VPS41: variants seen among roughly 807,000 people sequenced by gnomAD.
VPS41 encodes the protein vacuolar protein sorting-associated protein 41 homolog.
VPS41 carries 85 observed loss-of-function variants against 130.9 expected under a neutral mutation model. That is an observed-to-expected ratio of 0.65 (90% CI 0.55 to 0.78). The LOEUF is 0.78. Among genes scored for constraint, VPS41 ranks in the 30% least tolerant of loss-of-function variants. VPS41 has a pLI of 0.00. For missense variants in VPS41, 874 were observed against 1,018.7 expected (o/e 0.86, Z 1.93); for synonymous variants, 335 against 332.9 (o/e 1.01, Z -0.07).
intron 16 of VPS41, among the ~76,000 whole-genome samples, chr7:38,764,845 A>ACC (rs750109102): frequency 1.8e-4 from 28 of 152,226 alleles, no homozygotes; most frequent in South Asian, 4.1e-4. Context: ...CCATCACATG[A>ACC]TATTCAAAAA....
Position 38,817,859 on chromosome 7 carries a change from G to A in VPS41, c.408C>T (p.Phe136=), listed in dbSNP as rs150900239. 81 of 1,613,936 alleles carry A rather than the reference G, an allele frequency of 5.0e-5. No individual in the cohort carries two copies. In the Admixed American group the frequency reaches 8.3e-4, roughly 17 times the overall value. Residue 136 remains phenylalanine, a synonymous_variant, in exon 7 of 29, where the codon TTC becomes TTT. Transcript: ENST00000310301. ...PIKIIAVHPH[F]VRSSCKQFVT... ...CAAACTGCTTGCAACTGGATCTCAC[G>A]AAATGTGGGTGCACAGCAATAATCT...
intron 10 of VPS41, among the ~76,000 whole-genome samples, chr7:38,779,884 C>T (rs947442690): frequency 1.3e-5 from 2 of 152,064 alleles, no homozygotes; most frequent in African/African-American, 2.4e-5. Flanking sequence ...CAAGTAATTA[C>T]AGACTTTATA....
At chr7:38,870,739 CAAAAAAAAAAAAAAA>C (rs70977434) in intron 2 of VPS41, among the ~76,000 whole-genome samples, 8 of 29,734 alleles carry the variant, frequency 2.7e-4, no homozygotes, top group Admixed American at 4.8e-4. Flanking sequence ...ACTATATGTT[CAAAAAAAAAAAAAAA>C]AAAAAAAAAA....
At chr7:38,771,126 A>T in intron 14 of VPS41, 72 bp downstream of exon 14, 1 of 1,124,926 alleles carries the variant, frequency 8.9e-7, no homozygotes, top group Non-Finnish European at 1.3e-6. Context: ...TGTTCTTTTC[A>T]AATTATTTTC....
chr7:38,819,129 T>C (rs139162640), intron 6 of VPS41, among the ~76,000 whole-genome samples: 68 of 152,306 alleles, frequency 4.5e-4, no homozygotes, highest in Middle Eastern at 3.4e-3. Context: ...TCAAACACAT[T>C]ATGTTACCCT....
chr7:38,743,077 CA>C (rs1047657356), intron 24 of VPS41, among the ~76,000 whole-genome samples: 5 of 33,316 alleles, frequency 1.5e-4, no homozygotes, highest in African/African-American at 3.9e-4. Context: ...AAGCTAAAAA[CA>C]AAAAAAAACC....
chr7:38,857,197 C>T (rs895772755), intron 4 of VPS41, among the ~76,000 whole-genome samples: 1 of 152,186 alleles, frequency 6.6e-6, no homozygotes, highest in Non-Finnish European at 1.5e-5. Flanking sequence ...GAATCATCAA[C>T]CCACCTCTGC....
chr7:38,812,273 C>A (rs552394212), intron 7 of VPS41, among the ~76,000 whole-genome samples: 37 of 152,194 alleles, frequency 2.4e-4, no homozygotes, highest in African/African-American at 8.7e-4. Context: ...CAATTTTCCA[C>A]AAAGGGCCCA....
At chr7:38,864,170 A>G (rs1786178824) in intron 3 of VPS41, among the ~76,000 whole-genome samples, 1 of 152,184 alleles carries the variant, frequency 6.6e-6, no homozygotes, top group South Asian at 2.1e-4. Context: ...TTGTTAGGAA[A>G]CTAAGGGAGA....
intron 2 of VPS41, among the ~76,000 whole-genome samples, chr7:38,881,475 G>A (rs774490953): frequency 1.3e-5 from 2 of 152,202 alleles, no homozygotes; most frequent in Non-Finnish European, 2.9e-5. Flanking sequence ...AGGTTCCAGG[G>A]ATTAGGATGT....
At position 38,869,160 on chromosome 7, in the gene VPS41, T is replaced by C. The variant is rs777570735; in HGVS notation, c.154A>G (p.Thr52Ala). The change falls in exon 3 of 29, where the codon ACA (threonine) becomes GCA (alanine). Residue 52 changes from threonine to alanine, a missense_variant. Physicochemically the swap from Thr to Ala is moderately conservative, Grantham distance 58. Transcript: ENST00000310301. ...ILQKDAASCMTVHDKFLALGT... is the reference protein window; with the variant it reads ...ILQKDAASCMAVHDKFLALGT... The stretch of plus-strand genomic sequence containing the variant: ...TGCTATCTTACCTTGTCATGGACTG[T>C]CATGCAGCTAGCTGCATCCTTCTGA... The C allele has an allele frequency of 5.6e-6, 9 of 1,597,686 alleles. No homozygotes were observed. The highest frequency in any genetic ancestry group is 7.7e-6 in the Non-Finnish European group (9 of 1,169,572).
chr7:38,756,786 A>G, intron 19 of VPS41, 52 bp downstream of exon 19: 2 of 1,296,636 alleles, frequency 1.5e-6, no homozygotes, highest in Non-Finnish European at 2.1e-6. Flanking sequence ...TAAGTATTAA[A>G]TATTTGGAAT....
chr7:38,906,620 T>C lies in VPS41; in HGVS notation c.21+2534A>G, dbSNP rs141074065. On this transcript the variant is annotated intron_variant, in intron 1 of 28. Coordinates refer to ENST00000310301, the MANE Select transcript of VPS41 (RefSeq NM_014396.4). ...TCCCAAAGTGCTGGGATTACAGGTA[T>C]GGGCCATTGTGCCTGGTCCACGACT... Among the ~76,000 whole-genome samples, 1,414 of 152,288 alleles carry C rather than the reference T, an allele frequency of 9.3e-3. 6 individuals carry two copies. The highest frequency in any genetic ancestry group is 0.014 in the Non-Finnish European group (974 of 68,026).
intron 16 of VPS41, 113 bp from the exon 17 acceptor site, chr7:38,763,660 C>T (rs1562577050): frequency 6.9e-6 from 4 of 577,682 alleles, no homozygotes; most frequent in South Asian, 3.1e-5. Flanking sequence ...TGAGGGAATA[C>T]AGTACTCTGA....
chr7:38,813,667 C>T (rs1025478994), intron 7 of VPS41, among the ~76,000 whole-genome samples: 8 of 152,092 alleles, frequency 5.3e-5, no homozygotes, highest in Non-Finnish European at 7.4e-5. Flanking sequence ...ATATACTAAG[C>T]CTTACATACA....
At chr7:38,735,923 G>A (rs1165794681) in intron 25 of VPS41, among the ~76,000 whole-genome samples, 2 of 152,096 alleles carry the variant, frequency 1.3e-5, no homozygotes, top group Admixed American at 1.3e-4. Flanking sequence ...AACAGGGCAG[G>A]GGAGGGAAGG....
At chr7:38,867,839 G>A (rs71548641) in intron 3 of VPS41, among the ~76,000 whole-genome samples, 5,899 of 152,210 alleles carry the variant, frequency 0.039, 149 homozygotes, top group South Asian at 0.057. Context: ...CTAATTCAGG[G>A]TTGAGAGTAT....
chr7:38,908,885 C>T (rs1271121677), intron 1 of VPS41, among the ~76,000 whole-genome samples: 1 of 152,214 alleles, frequency 6.6e-6, no homozygotes, highest in Non-Finnish European at 1.5e-5. Context: ...GCCAAAATTT[C>T]CCTGGGCAAA....
At chr7:38,854,297 C>T (rs1785932294) in intron 4 of VPS41, among the ~76,000 whole-genome samples, 1 of 152,172 alleles carries the variant, frequency 6.6e-6, no homozygotes, top group South Asian at 2.1e-4. Context: ...ATTAATGATG[C>T]CACATCTAGA....
Sources: allele counts gnomAD v4.1 joint callset (sites outside exome capture counted in the v4.1 genomes callset), GRCh38; gene constraint gnomAD v4.1.1; transcripts MANE v1.5; gene names NCBI Gene and HGNC (gene_info 2026-07-23, HGNC 2026-07-21).